The following WDR72 variants were observed in gnomAD, a reference collection of about 807,000 sequenced individuals.
WDR72 encodes the protein WD repeat-containing protein 72.
WDR72 carries 120 observed loss-of-function variants against 124.2 expected under a neutral mutation model. The observed-to-expected ratio is 0.97, with a 90% CI of 0.83 to 1.12. The LOEUF (loss-of-function observed/expected upper bound fraction) is 1.12. Ranked by LOEUF, WDR72 falls within the 50% of genes most tolerant of loss-of-function variation. The pLI is 0.00. For missense variants in WDR72, 1,387 were observed against 1,278.8 expected, an observed-to-expected ratio of 1.08 and a Z score of -1.29; for synonymous variants, 452 against 441.7, an observed-to-expected ratio of 1.02 and a Z score of -0.29.
chr15:53,710,904 T>A lies in WDR72; in HGVS notation c.907A>T (p.Thr303Ser). The A allele has an allele frequency of 6.2e-7, 1 of 1,613,946 alleles. No homozygotes were observed. Among genetic ancestry groups the A allele is most frequent in the Non-Finnish European group, 8.5e-7 (1 of 1,179,900 alleles). ...GAGCACAGTAAATGAGGATAAATGG[T>A]CTCTTTAAGCACTCTTCCATCAGCA... is the stretch of plus-strand genomic sequence containing the variant. ...YPADGRVLKE[T>S]IYPHLLCSTS... The change falls in exon 9 of 20, where the codon ACC becomes TCC. Residue 303 changes from threonine (T) to serine (S), a missense_variant. By Grantham distance (58) the Thr-to-Ser change is moderately conservative. Transcript: ENST00000360509.
At chr15:53,723,340 A>G (rs1463448211) in intron 2 of WDR72, among the ~76,000 whole-genome samples, 1 of 152,200 alleles carries the variant, frequency 6.6e-6, no homozygotes, top group Non-Finnish European at 1.5e-5. Flanking sequence ...CTATATGGTG[A>G]TAGGAATGTA....
intron 1 of WDR72, among the ~76,000 whole-genome samples, chr15:53,755,537 C>T (rs539650): frequency 0.99 from 151,575 of 152,386 alleles, 75,388 homozygotes; most frequent in Middle Eastern, 1. Flanking sequence ...TGCAATGCAT[C>T]ACAGAAAATA....
In WDR72 at chr15:53,678,565, C is replaced by T. The variant is rs1042418046; in HGVS notation, c.1766-12797G>A. Among the ~76,000 whole-genome samples the T allele has an allele frequency of 4.6e-5, 7 of 152,192 alleles. No homozygotes were observed. The East Asian group carries it at 1.3e-3, about 29-fold the overall frequency. On this transcript the variant is annotated intron_variant, in intron 13 of 19. Coordinates refer to ENST00000360509, the MANE Select transcript of WDR72 (RefSeq NM_182758.4). ...CCACTTCCTCTAGGTGTTTTGTATA[C>T]AGATGCATATACTTTATCTCTACTA...
At chr15:53,614,607 C>A (rs2013682395) in intron 15 of WDR72, among the ~76,000 whole-genome samples, 2 of 152,054 alleles carry the variant, frequency 1.3e-5, no homozygotes, top group African/African-American at 4.8e-5. Context: ...TCAGACACAT[C>A]ATTTCCATCC....
At chr15:53,539,680 CTACA>C (rs1289919593) in intron 18 of WDR72, among the ~76,000 whole-genome samples, 3 of 150,404 alleles carry the variant, frequency 2.0e-5, no homozygotes, top group Non-Finnish European at 4.4e-5. Flanking sequence ...CCCTCAATAC[CTACA>C]TACAGAAAGT....
chr15:53,580,526 G>C (rs1230168465), intron 18 of WDR72, among the ~76,000 whole-genome samples: 1 of 152,032 alleles, frequency 6.6e-6, no homozygotes. Context: ...GCCCACTGCA[G>C]CTACTTCCTG....
intron 14 of WDR72, among the ~76,000 whole-genome samples, chr15:53,622,347 G>A (rs1041311413): frequency 6.6e-6 from 1 of 151,964 alleles, no homozygotes; most frequent in Non-Finnish European, 1.5e-5. Context: ...TGCAGCACTA[G>A]TCACAATAGC....
chr15:53,639,159 A>C (rs1381534699), intron 14 of WDR72, among the ~76,000 whole-genome samples: 1 of 151,940 alleles, frequency 6.6e-6, no homozygotes, highest in Non-Finnish European at 1.5e-5. Flanking sequence ...CTCTTTCTTC[A>C]ATGCCTTTCC....
At chr15:53,705,605 G>A (rs2140531470) in intron 10 of WDR72, among the ~76,000 whole-genome samples, 1 of 152,220 alleles carries the variant, frequency 6.6e-6, no homozygotes, top group African/African-American at 2.4e-5. Flanking sequence ...TGGGATTACA[G>A]GTGCATGCTG....
chr15:53,554,741 C>T (rs879894961), intron 18 of WDR72, among the ~76,000 whole-genome samples: 1 of 152,070 alleles, frequency 6.6e-6, no homozygotes, highest in Non-Finnish European at 1.5e-5. Flanking sequence ...AAAAATGACA[C>T]CTTATGTATG....
chr15:53,548,757 T>G (rs1475734439), intron 18 of WDR72, among the ~76,000 whole-genome samples: 4 of 152,162 alleles, frequency 2.6e-5, no homozygotes, highest in African/African-American at 4.8e-5. Context: ...AAACTAGTTC[T>G]GACCCCTTAA....
chr15:53,761,975 G>GA (rs2140911257), upstream of WDR72, among the ~76,000 whole-genome samples: 1 of 152,098 alleles, frequency 6.6e-6, no homozygotes, highest in Non-Finnish European at 1.5e-5. Flanking sequence ...TACCTAAACT[G>GA]AATGACTGGG....
intron 18 of WDR72, among the ~76,000 whole-genome samples, chr15:53,587,428 T>G (rs1030339622): frequency 6.6e-6 from 1 of 152,026 alleles, no homozygotes. Flanking sequence ...AGTGGTCTTA[T>G]GTATACCACA....
chr15:53,645,251 G>T (rs1268599677), intron 14 of WDR72, among the ~76,000 whole-genome samples: 1 of 152,130 alleles, frequency 6.6e-6, no homozygotes, highest in Non-Finnish European at 1.5e-5. Flanking sequence ...CAGCTGAACA[G>T]ATGGACACTT....
At chr15:53,725,033 A>G (rs11631852) in intron 2 of WDR72, among the ~76,000 whole-genome samples, 88,190 of 151,858 alleles carry the variant, frequency 0.58, 29,427 homozygotes, top group Non-Finnish European at 0.74. Flanking sequence ...ACAGATTGAG[A>G]GAAATATTTT....
intron 14 of WDR72, among the ~76,000 whole-genome samples, chr15:53,659,335 G>A (rs2015532481): frequency 6.6e-6 from 1 of 152,114 alleles, no homozygotes; most frequent in South Asian, 2.1e-4. Context: ...TCCTTCCGTT[G>A]CTGGCACTCC....
intron 14 of WDR72, among the ~76,000 whole-genome samples, chr15:53,619,985 G>C (rs2013924276): frequency 7.6e-6 from 1 of 131,156 alleles, no homozygotes; most frequent in Non-Finnish European, 1.5e-5. Context: ...TTTGATAATG[G>C]GGGGAGTAAA....
chr15:53,737,702 C>T (rs1414462331), intron 1 of WDR72, among the ~76,000 whole-genome samples: 1 of 152,084 alleles, frequency 6.6e-6, no homozygotes, highest in Non-Finnish European at 1.5e-5. Flanking sequence ...TTAACTGTGA[C>T]ACGGAGAGAT....
Position 53,707,905 on chromosome 15 carries a change from C to G in WDR72, c.955-1831G>C, listed in dbSNP as rs148421786. 2.0e-3 allele frequency among the ~76,000 whole-genome samples: 297 copies of G among 152,248 alleles called. 2 individuals are homozygous for G. The highest frequency in any genetic ancestry group is 6.9e-3 in the African/African-American group (288 of 41,550). The stretch of plus-strand genomic sequence containing the variant: ...TGATTGTTCCAACTCCCTGGTTATT[C>G]TGATTTGAAAAGGAAGCTCCAAGAG... On this transcript the variant is annotated intron_variant, in intron 9 of 19. Transcript: ENST00000360509.
Sources: allele counts gnomAD v4.1 joint callset (sites outside exome capture counted in the v4.1 genomes callset), GRCh38; gene constraint gnomAD v4.1.1; transcripts MANE v1.5; gene names NCBI Gene and HGNC (gene_info 2026-07-23, HGNC 2026-07-21).